The following COL4A3 variants were observed in gnomAD, a reference collection of about 807,000 sequenced individuals.
COL4A3 encodes the protein collagen type IV alpha 3 chain.
Under a neutral mutation model 217.4 loss-of-function variants are expected in COL4A3, and 135 were observed. That is an observed-to-expected ratio of 0.62 (90% CI 0.54 to 0.72). The LOEUF is 0.72. Among genes scored for constraint, COL4A3 ranks in the 30% least tolerant of loss-of-function variants. The pLI, the probability that COL4A3 is intolerant of heterozygous loss-of-function variation, is 0.00. For synonymous variants in COL4A3, 690 were observed against 736.3 expected (o/e 0.94, Z 1.02); for missense variants, 1,868 against 2,119.9 (o/e 0.88, Z 2.33).
chr2:227,272,685 T>C (rs917943402), intron 25 of COL4A3, among the ~76,000 whole-genome samples: 3 of 152,242 alleles, frequency 2.0e-5, no homozygotes, highest in Non-Finnish European at 4.4e-5. Flanking sequence ...GCTATTACCA[T>C]ATGGGAGACC....
intron 1 of COL4A3, among the ~76,000 whole-genome samples, chr2:227,217,999 T>C (rs1222658752): frequency 7.4e-6 from 1 of 136,004 alleles, no homozygotes; most frequent in Admixed American, 8.0e-5. Flanking sequence ...AAAATACACA[T>C]TCAAACTCCA....
intron 24 of COL4A3, among the ~76,000 whole-genome samples, chr2:227,270,468 G>T (rs946449936): frequency 1.3e-5 from 2 of 152,124 alleles, no homozygotes; most frequent in Non-Finnish European, 2.9e-5. Flanking sequence ...TATTCAAAGA[G>T]GCTTGTTAAA....
intron 1 of COL4A3, among the ~76,000 whole-genome samples, chr2:227,174,708 TGTTG>T (rs1272908739): frequency 3.9e-5 from 6 of 152,246 alleles, no homozygotes; most frequent in Non-Finnish European, 7.4e-5. Flanking sequence ...GGTCTCACCA[TGTTG>T]GTCAGGCTGG....
chr2:227,189,554 C>T (rs895831254), intron 1 of COL4A3, among the ~76,000 whole-genome samples: 4 of 152,272 alleles, frequency 2.6e-5, no homozygotes, highest in African/African-American at 9.6e-5. Flanking sequence ...GTGCTACATT[C>T]GTGTTACAAG....
At position 227,297,752 on chromosome 2, in the gene COL4A3, G is replaced by A. The variant is rs200443942; in HGVS notation, c.3644G>A (p.Arg1215Gln). ...GGGGCCATGGGAGATGCTGGACCTC[G>A]AGGACCCACAGGCATAGAAGGATTC... ...RKGAMGDAGP[R>Q]GPTGIEGFPG... The change falls in exon 42 of 52, where the codon CGA (arginine) becomes CAA (glutamine). Residue 1215 changes from arginine to glutamine, a missense_variant. Transcript: ENST00000396578. 321 of 1,601,814 alleles carry A rather than the reference G, an allele frequency of 2.0e-4. No individual in the cohort carries two copies. Among genetic ancestry groups the A allele is most frequent in the Non-Finnish European group, 2.6e-4 (303 of 1,174,680 alleles).
chr2:227,262,578 A>G (rs2070654768), intron 20 of COL4A3, among the ~76,000 whole-genome samples: 1 of 152,148 alleles, frequency 6.6e-6, no homozygotes, highest in South Asian at 2.1e-4. Context: ...AGTGTTTTAT[A>G]GTTTTTCTTG....
chr2:227,297,923 A>G, intron 42 of COL4A3, 64 bp downstream of exon 42: 2 of 1,498,280 alleles, frequency 1.3e-6, no homozygotes, highest in Non-Finnish European at 1.8e-6. Context: ...AAAAGTTTTC[A>G]ACCTCCTCCT....
At chr2:227,249,226 A>ATTTTTTTTTTTTTTTTT (rs1225037194) in intron 9 of COL4A3, among the ~76,000 whole-genome samples, 1 of 24,192 alleles carries the variant, frequency 4.1e-5, no homozygotes, top group East Asian at 1.3e-3. Flanking sequence ...ATATATATAT[A>ATTTTTTTTTTTTTTTTT]TATATTTTTT....
chr2:227,274,057 C>T (rs910162326), intron 26 of COL4A3, among the ~76,000 whole-genome samples: 2 of 151,856 alleles, frequency 1.3e-5, no homozygotes, highest in Non-Finnish European at 2.9e-5. Context: ...GTCAACATAG[C>T]GAACCCCCAT....
intron 1 of COL4A3, among the ~76,000 whole-genome samples, chr2:227,202,746 A>AT (rs1553738296): frequency 0.11 from 2,386 of 21,914 alleles, 294 homozygotes; most frequent in Admixed American, 0.21. Context: ...AAAAAAAAAA[A>AT]ATATATATAT....
chr2:227,232,637 C>T (rs9288621), intron 1 of COL4A3, among the ~76,000 whole-genome samples: 48,736 of 151,888 alleles, frequency 0.32, 8,253 homozygotes, highest in Non-Finnish European at 0.36. Flanking sequence ...TTTTGAGCAC[C>T]TTTTCATATG....
chr2:227,302,066 C>T (rs923109335), intron 43 of COL4A3: 1 of 152,274 alleles, frequency 6.6e-6, no homozygotes, highest in Non-Finnish European at 1.5e-5. Flanking sequence ...ACAAATAGCT[C>T]TTTCCAGAAG....
rs1313082930 is a variant in COL4A3 at position 227,203,231 on chromosome 2, A to G, written c.88-34737A>G. 5.9e-4 allele frequency among the ~76,000 whole-genome samples: 14 copies of G among 23,910 alleles called. 6 individuals carry two copies. The highest frequency in any genetic ancestry group is 6.3e-4 in the Non-Finnish European group (9 of 14,256). 15.7% of individuals were successfully genotyped at this position (23,910 alleles called of 152,430 possible). On this transcript the variant is annotated intron_variant, in intron 1 of 51. Coordinates refer to ENST00000396578, the MANE Select transcript of COL4A3 (RefSeq NM_000091.5). Reference sequence around the variant, plus strand: ...TATATACACACATATATGTGTATATATGTGTATATATACATATATGTATAT... The same window carrying G: ...TATATACACACATATATGTGTATATGTGTGTATATATACATATATGTATAT...
chr2:227,289,078 G>T lies in COL4A3; in HGVS notation c.2882-72G>T, dbSNP rs563713859. On this transcript the variant is annotated intron_variant, in intron 34 of 51. Transcript: ENST00000396578. The stretch of plus-strand genomic sequence containing the variant: ...TGATTTTCCTGCCTCAGCCTCCCAC[G>T]TAGCTGGGATTACAGGCACCTGCCA... The T allele has an allele frequency of 3.2e-5, 37 of 1,142,470 alleles. No individual in the cohort carries two copies. The African/African-American group carries it at 5.5e-4, about 17-fold the overall frequency. 70.8% of individuals were successfully genotyped at this position (1,142,470 alleles called of 1,614,324 possible).
chr2:227,224,093 T>C (rs1196430451), intron 1 of COL4A3, among the ~76,000 whole-genome samples: 1 of 152,194 alleles, frequency 6.6e-6, no homozygotes, highest in African/African-American at 2.4e-5. Flanking sequence ...CCGAACGCAG[T>C]CAGCTTATCG....
chr2:227,217,323 TG>T (rs1220473808), intron 1 of COL4A3, among the ~76,000 whole-genome samples: 1 of 152,212 alleles, frequency 6.6e-6, no homozygotes, highest in Admixed American at 6.5e-5. Flanking sequence ...GAGATTTGGG[TG>T]GGGACACAGC....
chr2:227,225,726 T>C lies in COL4A3; in HGVS notation c.88-12242T>C, dbSNP rs1231554688. ...TTTTCTTTCTTTTTTTTTTTTTTTT[T>C]TGTTGAGACAGATCTCACCCTGTCT... On this transcript the variant is annotated intron_variant, in intron 1 of 51. Coordinates refer to ENST00000396578, the MANE Select transcript of COL4A3 (RefSeq NM_000091.5). 7.0e-5 allele frequency among the ~76,000 whole-genome samples: 10 copies of C among 143,466 alleles called. No homozygotes were observed. In the East Asian group the frequency reaches 1.6e-3, roughly 22 times the overall value. The allele number at this position is 143,466 out of a possible 152,430, so 94.1% of individuals were successfully genotyped here.
intron 26 of COL4A3, among the ~76,000 whole-genome samples, chr2:227,275,097 C>G (rs2071477747): frequency 6.6e-6 from 1 of 152,148 alleles, no homozygotes; most frequent in African/African-American, 2.4e-5. Context: ...ATCACGAAGC[C>G]TAAATTTCTT....
intron 1 of COL4A3, among the ~76,000 whole-genome samples, chr2:227,187,666 C>T (rs559315530): frequency 1.1e-4 from 16 of 152,344 alleles, no homozygotes; most frequent in African/African-American, 3.4e-4. Context: ...GTCCCTTCCA[C>T]AGTGGGAATT....
Sources: allele counts gnomAD v4.1 joint callset (sites outside exome capture counted in the v4.1 genomes callset), GRCh38; gene constraint gnomAD v4.1.1; transcripts MANE v1.5; gene names NCBI Gene and HGNC (gene_info 2026-07-23, HGNC 2026-07-21).